PWWP3B: variants seen among roughly 807,000 people sequenced by gnomAD.
The protein encoded by PWWP3B is PWWP domain-containing DNA repair factor 3B.
In PWWP3B, 5 loss-of-function variants were observed where a neutral mutation model predicts 15.7. The ratio of observed to expected loss-of-function variants is 0.32; its 90% CI spans 0.17 to 0.67. The LOEUF is 0.67. PWWP3B is among the 30% of genes least tolerant of loss of function. The pLI is 0.74. For synonymous variants in PWWP3B, 203 were observed against 179.8 expected (o/e 1.13, Z -1.03); for missense variants, 519 against 493.1 (o/e 1.05, Z -0.50).
intron 2 of PWWP3B, among the ~76,000 whole-genome samples, chrX:106,179,572 G>A (rs1922078018): frequency 2.7e-5 from 3 of 111,390 alleles, no homozygotes; most frequent in Non-Finnish European, 5.6e-5. Flanking sequence ...ACTTGACATG[G>A]GAAATCTGCA....
rs372403334 is a variant in PWWP3B at position 106,206,818 on chromosome X, T to C, written c.1386T>C (p.Tyr462=). 1.7e-5 allele frequency: 20 copies of C among 1,209,858 alleles called. No homozygotes were observed. The highest frequency in any genetic ancestry group is 2.2e-5 in the Non-Finnish European group (20 of 894,925). ...QMLVDKARED[Y]SESIDWCISL... Reference sequence around the variant, plus strand: ...TAGTGGACAAAGCCAGGGAGGATTATAGTGAGAGTATTGACTGGTGCATCT... The same window carrying C: ...TAGTGGACAAAGCCAGGGAGGATTACAGTGAGAGTATTGACTGGTGCATCT... The change falls in exon 4 of 4, where the codon TAT becomes TAC. Residue 462 remains tyrosine (Y), a synonymous_variant. Transcript: ENST00000357175.
In PWWP3B at chrX:106,196,378, G is replaced by A. The variant is rs181511478; in HGVS notation, c.-400-7607G>A. Among the ~76,000 whole-genome samples, 530 of 112,089 alleles carry A rather than the reference G, an allele frequency of 4.7e-3. 2 individuals are homozygous for A. The highest frequency in any genetic ancestry group is 0.019 in the Middle Eastern group (4 of 216). Reference sequence around the variant, plus strand: ...CCTTGTTTCTGATTTTAGGGGAAAAGCATTCTATGTTTTACCATATGATGT... The same window carrying A: ...CCTTGTTTCTGATTTTAGGGGAAAAACATTCTATGTTTTACCATATGATGT... On this transcript the variant is annotated intron_variant, in intron 2 of 3. Transcript: ENST00000357175.
intron 2 of PWWP3B, among the ~76,000 whole-genome samples, chrX:106,175,694 A>G (rs1410347073): frequency 9.0e-6 from 1 of 110,958 alleles, no homozygotes; most frequent in Non-Finnish European, 1.9e-5. Context: ...TTTGGCTCCG[A>G]TTTTGTCTCA....
intron 2 of PWWP3B, among the ~76,000 whole-genome samples, chrX:106,186,361 G>T (rs926465492): frequency 1.8e-5 from 2 of 111,216 alleles, no homozygotes; most frequent in African/African-American, 6.6e-5. Context: ...CCGAAGCATT[G>T]GGGTTTGTTA....
At chrX:106,181,580 A>C (rs922366884) in intron 2 of PWWP3B, among the ~76,000 whole-genome samples, 1 of 111,502 alleles carries the variant, frequency 9.0e-6, no homozygotes, top group African/African-American at 3.3e-5. Flanking sequence ...TCCCCACTAG[A>C]CCTAGGAAGT....
chrX:106,193,612 TTGA>T (rs1923156799), intron 2 of PWWP3B, among the ~76,000 whole-genome samples: 1 of 112,049 alleles, frequency 8.9e-6, no homozygotes, highest in African/African-American at 3.2e-5. Context: ...TGCTCGTTAG[TTGA>T]TGTAGTTTCT....
chrX:106,183,300 C>T (rs993719873), intron 2 of PWWP3B, among the ~76,000 whole-genome samples: 1 of 111,928 alleles, frequency 8.9e-6, no homozygotes, highest in Non-Finnish European at 1.9e-5. Context: ...CATTTTCTTA[C>T]TAAGCCTTGA....
chrX:106,174,387 T>A (rs1334233511), intron 2 of PWWP3B, among the ~76,000 whole-genome samples: 2 of 111,774 alleles, frequency 1.8e-5, no homozygotes, highest in Admixed American at 9.5e-5. Flanking sequence ...ATTAGCAATG[T>A]GTAGGTTCTA....
chrX:106,207,182 A>G lies in PWWP3B; in HGVS notation c.1750A>G (p.Lys584Glu), dbSNP rs372639974. Reference sequence around the variant, plus strand: ...TGGCACAAAAGGATCCAGATGGCTGAAATCATTTTTGAATGCAAATAGGTT... The same window carrying G: ...TGGCACAAAAGGATCCAGATGGCTGGAATCATTTTTGAATGCAAATAGGTT... ...VNGTKGSRWL[K>E]SFLNANRFTP... The change falls in exon 4 of 4, where the codon AAA (lysine) becomes GAA (glutamate). Residue 584 changes from lysine to glutamate, a missense_variant. Physicochemically the swap from Lys to Glu is moderately conservative, Grantham distance 56. Coordinates refer to ENST00000357175, the MANE Select transcript of PWWP3B (RefSeq NM_001171020.2). The G allele has an allele frequency of 1.7e-6, 2 of 1,206,260 alleles. No homozygotes were observed. The highest frequency in any genetic ancestry group is 3.5e-5 in the African/African-American group (2 of 57,380).
intron 2 of PWWP3B, among the ~76,000 whole-genome samples, chrX:106,190,174 T>C (rs1438828479): frequency 1.8e-5 from 2 of 111,545 alleles, no homozygotes; most frequent in Non-Finnish European, 3.8e-5. Flanking sequence ...TGTAAAAGTG[T>C]TCCTATTTCT....
intron 2 of PWWP3B, among the ~76,000 whole-genome samples, chrX:106,181,495 A>T (rs1027899948): frequency 9.0e-6 from 1 of 111,682 alleles, no homozygotes; most frequent in Non-Finnish European, 1.9e-5. Context: ...TGGTGCATTT[A>T]CAATCCTCTA....
chrX:106,207,545 T>C lies in PWWP3B; in HGVS notation c.*22T>C. 8.9e-7 allele frequency: 1 copy of C among 1,118,149 alleles called. No individual in the cohort carries two copies. Among genetic ancestry groups the C allele is most frequent in the Middle Eastern group, 2.7e-4 (1 of 3,708 alleles). 92.1% of individuals were successfully genotyped at this position (1,118,149 alleles called of 1,213,427 possible). A position where few individuals can be genotyped will look rare whatever the true frequency, so the allele number is the denominator to read the frequency against. Reference sequence around the variant, plus strand: ...CTAAATGTGCTGAAAGTTGAAACCATGACAGGGAGCTCTCATAGATACTAG... The same window carrying C: ...CTAAATGTGCTGAAAGTTGAAACCACGACAGGGAGCTCTCATAGATACTAG... On this transcript the variant is annotated 3_prime_UTR_variant, in exon 4 of 4. Transcript: ENST00000357175.
At chrX:106,191,893 A>C (rs1310655453) in intron 2 of PWWP3B, among the ~76,000 whole-genome samples, 1 of 111,237 alleles carries the variant, frequency 9.0e-6, no homozygotes, top group Non-Finnish European at 1.9e-5. Flanking sequence ...GATGAAGCCC[A>C]CTCTATCATG....
chrX:106,169,034 A>C (rs1304475625), intron 1 of PWWP3B, among the ~76,000 whole-genome samples: 1 of 112,024 alleles, frequency 8.9e-6, no homozygotes, highest in Non-Finnish European at 1.9e-5. Flanking sequence ...AAAGATCATA[A>C]CAATAACAGA....
Position 106,207,575 on chromosome X carries a change from A to G in PWWP3B, c.*52A>G. 1 of 1,069,667 alleles carries G rather than the reference A, an allele frequency of 9.3e-7. No homozygotes were observed. The highest frequency in any genetic ancestry group is 1.2e-6 in the Non-Finnish European group (1 of 817,165). 88.2% of individuals were successfully genotyped at this position (1,069,667 alleles called of 1,213,427 possible). A position where few individuals can be genotyped will look rare whatever the true frequency, so the allele number is the denominator to read the frequency against. On this transcript the variant is annotated 3_prime_UTR_variant, in exon 4 of 4. Coordinates refer to ENST00000357175, the MANE Select transcript of PWWP3B (RefSeq NM_001171020.2). ...GGGAGCTCTCATAGATACTAGTTGA[A>G]AAAAGTCTCTGAACAATTCTCTCTA...
At chrX:106,174,241 C>T (rs1183546253) in intron 2 of PWWP3B, among the ~76,000 whole-genome samples, 1 of 111,544 alleles carries the variant, frequency 9.0e-6, no homozygotes, top group Non-Finnish European at 1.9e-5. Flanking sequence ...ACCTGAATAG[C>T]GAGAATGTGG....
chrX:106,179,491 G>C (rs1039107011), intron 2 of PWWP3B, among the ~76,000 whole-genome samples: 4 of 112,198 alleles, frequency 3.6e-5, no homozygotes, highest in African/African-American at 1.3e-4. Context: ...GCCTGTTAAA[G>C]TTTAGGCAGG....
intron 2 of PWWP3B, among the ~76,000 whole-genome samples, chrX:106,194,293 G>A (rs968401765): frequency 1.9e-4 from 21 of 109,294 alleles, no homozygotes; most frequent in East Asian, 5.8e-4. Flanking sequence ...CATTCATTTC[G>A]TCTTCCATCG....
chrX:106,175,272 G>T (rs1322591156), intron 2 of PWWP3B, among the ~76,000 whole-genome samples: 3 of 72,688 alleles, frequency 4.1e-5, no homozygotes, highest in Non-Finnish European at 7.3e-5. Flanking sequence ...ACGGAGTCTT[G>T]CTCTGTCGCC....
Sources: gnomAD v4.1 joint callset for allele counts (sites outside exome capture counted in the v4.1 genomes callset) on GRCh38, gnomAD v4.1.1 for gene constraint, MANE v1.5 for transcripts, NCBI Gene and HGNC (gene_info 2026-07-23, HGNC 2026-07-21) for gene names.